The following DNMT3A variants were observed in gnomAD, a reference collection of about 807,000 sequenced individuals.
DNMT3A encodes DNA (cytosine-5)-methyltransferase 3A.
In DNMT3A, 267 loss-of-function variants were observed where a neutral mutation model predicts 117.6. The ratio of observed to expected loss-of-function variants is 2.27; its 90% CI spans 2.05 to 2.51. The LOEUF is 2.51. Among genes scored for constraint, DNMT3A ranks in the 30% most tolerant of loss-of-function variants. The probability of loss-of-function intolerance (pLI) is 0.00; values close to 1 mark genes in which losing one functional copy is unlikely to be tolerated. For synonymous variants in DNMT3A, 432 were observed against 474.8 expected, an observed-to-expected ratio of 0.91 and a Z score of 1.17; for missense variants, 1,029 against 1,260.2, an observed-to-expected ratio of 0.82 and a Z score of 2.78.
chr2:25,335,408 G>T (rs1357757881), intron 1 of DNMT3A, among the ~76,000 whole-genome samples: 2 of 152,224 alleles, frequency 1.3e-5, no homozygotes, highest in African/African-American at 4.8e-5. Context: ...GGTCCTCCAG[G>T]GAGTGGCGGG....
upstream of DNMT3A, chr2:25,342,492 C>G (rs968370434): frequency 6.6e-6 from 1 of 152,274 alleles, no homozygotes; most frequent in East Asian, 1.9e-4. This position sits in a 1 kb window ranked among gnomAD's most constrained non-coding sequence, Gnocchi z 5.9. Context: ...GCGGCCCCTC[C>G]TCTCCCCGGG....
chr2:25,245,230 C>A (rs1415987415), intron 13 of DNMT3A, 23 bp downstream of exon 13: 1 of 1,612,396 alleles, frequency 6.2e-7, no homozygotes. Context: ...AACGGCACCT[C>A]TCCTGGGTGG....
intron 4 of DNMT3A, among the ~76,000 whole-genome samples, chr2:25,280,192 C>T (rs1447273867): frequency 2.6e-5 from 4 of 152,096 alleles, no homozygotes; most frequent in African/African-American, 4.8e-5. Flanking sequence ...TCAGCCCCTC[C>T]GATGTCATCC....
chr2:25,242,278 A>C (rs1206728552), intron 16 of DNMT3A, among the ~76,000 whole-genome samples: 4 of 151,908 alleles, frequency 2.6e-5, no homozygotes, highest in Middle Eastern at 3.2e-3. Flanking sequence ...CAGACAGAGG[A>C]GGCCTCCTTC....
chr2:25,323,411 C>T (rs1238061720), intron 1 of DNMT3A, among the ~76,000 whole-genome samples: 1 of 152,146 alleles, frequency 6.6e-6, no homozygotes, highest in Non-Finnish European at 1.5e-5. Context: ...ACCCTCCTGA[C>T]CTAAGGGCTA....
chr2:25,283,356 G>A (rs1287475633), intron 3 of DNMT3A, among the ~76,000 whole-genome samples: 6 of 85,180 alleles, frequency 7.0e-5, no homozygotes, highest in African/African-American at 1.6e-4. Flanking sequence ...GCAAGACTCC[G>A]CCTCAAAAAA....
At position 25,305,155 on chromosome 2, in the gene DNMT3A, G is replaced by A. The variant is rs57432066; in HGVS notation, c.73-4912C>T. ...TCTACAAACCCGTACAAATACAACT[G>A]TGTACGAGGTTCCAGTGCCTCTCGG... On this transcript the variant is annotated intron_variant, in intron 2 of 22. Transcript: ENST00000321117. This position sits in a 1 kb window ranked among gnomAD's most constrained non-coding sequence, Gnocchi z 4.1. 0.021 allele frequency among the ~76,000 whole-genome samples: 3,157 copies of A among 152,368 alleles called. 102 individuals carry two copies. The highest frequency in any genetic ancestry group is 0.071 in the African/African-American group (2,943 of 41,580).
chr2:25,248,333 T>C, intron 6 of DNMT3A, 81 bp from the exon 7 acceptor site: 1 of 1,481,438 alleles, frequency 6.8e-7, no homozygotes, highest in East Asian at 2.3e-5. Flanking sequence ...GGACCATGTT[T>C]GTCAAAACCC....
chr2:25,241,334 G>T (rs780133225), intron 17 of DNMT3A, among the ~76,000 whole-genome samples: 1 of 152,184 alleles, frequency 6.6e-6, no homozygotes. Context: ...CTCCCAAAGT[G>T]CTGGCATTAT....
At chr2:25,290,373 T>C (rs1344270783) in intron 3 of DNMT3A, among the ~76,000 whole-genome samples, 1 of 146,580 alleles carries the variant, frequency 6.8e-6, no homozygotes, top group Non-Finnish European at 1.5e-5. Flanking sequence ...CAGGCTGGAG[T>C]GCAATGGTGT....
Position 25,230,470 on chromosome 2 carries a change from A to T in DNMT3A, c.*3809T>A, listed in dbSNP as rs1384061146. The T allele has an allele frequency of 2.0e-5, 3 of 152,246 alleles. No individual in the cohort carries two copies. The highest frequency in any genetic ancestry group is 2.0e-4 in the Admixed American group (3 of 15,286). The allele number at this position is 152,246 out of a possible 1,614,324, so 9.4% of individuals were successfully genotyped here. On this transcript the variant is annotated 3_prime_UTR_variant, in exon 23 of 23. Coordinates refer to ENST00000321117, the MANE Select transcript of DNMT3A (RefSeq NM_022552.5). ...ATCAGCCCCCAGAACCCTTGTTTCT[A>T]AGGGGGAAATGGGCCTACTCTTCGG...
intron 7 of DNMT3A, 27 bp downstream of exon 7, chr2:25,248,010 G>A (rs1275190718): frequency 6.2e-7 from 1 of 1,611,562 alleles, no homozygotes; most frequent in Non-Finnish European, 8.5e-7. Flanking sequence ...GAAAGAGCTG[G>A]CCACGGCTGG....
intron 6 of DNMT3A, among the ~76,000 whole-genome samples, chr2:25,263,085 AC>A (rs1676751120): frequency 6.6e-6 from 1 of 152,122 alleles, no homozygotes; most frequent in Admixed American, 6.6e-5. Context: ...TTGGTGCACA[AC>A]ACCATGCCCA....
chr2:25,310,525 C>T (rs2034055716), intron 2 of DNMT3A, among the ~76,000 whole-genome samples: 1 of 152,248 alleles, frequency 6.6e-6, no homozygotes, highest in East Asian at 1.9e-4. Flanking sequence ...ACTCTGTACA[C>T]TCCCAGCCAC....
At chr2:25,320,256 C>T (rs963805987) in intron 1 of DNMT3A, among the ~76,000 whole-genome samples, 1 of 152,204 alleles carries the variant, frequency 6.6e-6, no homozygotes, top group Non-Finnish European at 1.5e-5. Flanking sequence ...TAGAAAGCAA[C>T]TAGCCCAGAG....
intron 21 of DNMT3A, 56 bp from the exon 22 acceptor site, chr2:25,235,881 G>T: frequency 6.8e-7 from 1 of 1,476,698 alleles, no homozygotes; most frequent in Non-Finnish European, 9.5e-7. Flanking sequence ...AGCCAACACT[G>T]GTCATGCGTC....
In DNMT3A at chr2:25,252,113, C is replaced by T. The variant is rs1484505048; in HGVS notation, c.640-3861G>A. ...GAGGCATACTTCACTCTTTTCAAAC[C>T]CGGAGGGCTGCGGAGATCCTCCCAC... On this transcript the variant is annotated intron_variant, in intron 6 of 22. Coordinates refer to ENST00000321117, the MANE Select transcript of DNMT3A (RefSeq NM_022552.5). This position sits in a 1 kb window ranked among gnomAD's most constrained non-coding sequence, Gnocchi z 5.5. The T allele has an allele frequency of 2.7e-5, 41 of 1,524,194 alleles. No individual in the cohort carries two copies. The highest frequency in any genetic ancestry group is 3.4e-5 in the Non-Finnish European group (38 of 1,130,704). 94.4% of individuals were successfully genotyped at this position (1,524,194 alleles called of 1,614,324 possible).
chr2:25,235,245 C>T (rs1306489554), intron 22 of DNMT3A, among the ~76,000 whole-genome samples: 3 of 151,378 alleles, frequency 2.0e-5, no homozygotes, highest in Non-Finnish European at 4.4e-5. Context: ...AGCACAGTGG[C>T]GCAATCTCGG....
intron 6 of DNMT3A, 23 bp downstream of exon 6, chr2:25,274,918 G>T: frequency 1.3e-6 from 2 of 1,598,620 alleles, no homozygotes; most frequent in Non-Finnish European, 1.7e-6. Context: ...ACGGGCTGGG[G>T]CCCAGGCCAG....
Sources: allele counts gnomAD v4.1 joint callset (sites outside exome capture counted in the v4.1 genomes callset), GRCh38; gene constraint gnomAD v4.1.1; non-coding constraint Gnocchi (gnomAD v3.1); transcripts MANE v1.5; gene names NCBI Gene and HGNC (gene_info 2026-07-23, HGNC 2026-07-21).